SNTG1: variants seen among roughly 807,000 people sequenced by gnomAD.
The protein encoded by SNTG1 is gamma-1-syntrophin.
A neutral mutation model predicts 74.7 loss-of-function variants in SNTG1; 39 were observed. The observed-to-expected ratio is 0.52, with a 90% CI of 0.40 to 0.68. The LOEUF (loss-of-function observed/expected upper bound fraction) is 0.68. Ranked by LOEUF, SNTG1 falls within the 30% of genes least tolerant of loss-of-function variation. The probability of loss-of-function intolerance (pLI) is 0.00; values close to 1 mark genes in which losing one functional copy is unlikely to be tolerated. For synonymous variants in SNTG1, 254 were observed against 217.1 expected, an observed-to-expected ratio of 1.17 and a Z score of -1.49; for missense variants, 685 against 609.5, an observed-to-expected ratio of 1.12 and a Z score of -1.30.
intron 2 of SNTG1, among the ~76,000 whole-genome samples, chr8:50,267,143 T>C (rs1342577071): frequency 6.6e-6 from 1 of 152,200 alleles, no homozygotes; most frequent in African/African-American, 2.4e-5. Flanking sequence ...TTCTTTCAGA[T>C]GTTTACAGGT....
At chr8:50,111,773 C>A (rs1057071055) in intron 1 of SNTG1, among the ~76,000 whole-genome samples, 1 of 151,780 alleles carries the variant, frequency 6.6e-6, no homozygotes, top group African/African-American at 2.4e-5. Flanking sequence ...TTATGAGTGA[C>A]AAATGGGACA....
At chr8:50,669,808 C>T (rs867284210) in intron 15 of SNTG1, among the ~76,000 whole-genome samples, 15 of 152,130 alleles carry the variant, frequency 9.9e-5, no homozygotes, top group Middle Eastern at 3.2e-3. Flanking sequence ...TACTGGCAAA[C>T]CAAATCCAGC....
intron 2 of SNTG1, among the ~76,000 whole-genome samples, chr8:50,214,603 C>G (rs777778068): frequency 2.9e-4 from 44 of 151,962 alleles, no homozygotes; most frequent in Non-Finnish European, 5.1e-4. Context: ...ACATTTCGTG[C>G]ACTCATCTAC....
intron 1 of SNTG1, among the ~76,000 whole-genome samples, chr8:50,061,467 C>A (rs921177113): frequency 2.0e-5 from 3 of 151,862 alleles, no homozygotes; most frequent in African/African-American, 7.2e-5. Flanking sequence ...AAACCAGTTT[C>A]TTTCATTTTT....
intron 1 of SNTG1, among the ~76,000 whole-genome samples, chr8:49,925,440 G>A (rs1324711901): frequency 6.7e-6 from 1 of 149,536 alleles, no homozygotes; most frequent in Non-Finnish European, 1.5e-5. Context: ...GCCTGTGTGT[G>A]TGTATCTGTC....
chr8:50,028,624 A>C (rs749879456), intron 1 of SNTG1, among the ~76,000 whole-genome samples: 2 of 151,928 alleles, frequency 1.3e-5, no homozygotes, highest in Non-Finnish European at 2.9e-5. Flanking sequence ...TAGCATTGGG[A>C]GATATACCTA....
intron 8 of SNTG1, among the ~76,000 whole-genome samples, chr8:50,501,607 T>A (rs909641418): frequency 3.1e-5 from 4 of 128,058 alleles, no homozygotes; most frequent in Non-Finnish European, 4.6e-5. Context: ...GGTTATTTTT[T>A]TTTATTTTTT....
chr8:50,369,943 T>A (rs2092229218), intron 2 of SNTG1, among the ~76,000 whole-genome samples: 1 of 152,184 alleles, frequency 6.6e-6, no homozygotes, highest in South Asian at 2.1e-4. Context: ...TGCCAATGAC[T>A]CTATTTCTAA....
intron 15 of SNTG1, among the ~76,000 whole-genome samples, chr8:50,677,423 GA>G (rs1055175876): frequency 2.0e-5 from 3 of 151,844 alleles, no homozygotes; most frequent in Non-Finnish European, 4.4e-5. Context: ...CTTAATGTAA[GA>G]AAAAAGCTAG....
chr8:50,526,642 C>CA (rs2094222087), intron 9 of SNTG1, among the ~76,000 whole-genome samples: 1 of 50,184 alleles, frequency 2.0e-5, no homozygotes, highest in South Asian at 9.3e-4. Context: ...CACATATATA[C>CA]ACGCATATAT....
intron 2 of SNTG1, among the ~76,000 whole-genome samples, chr8:50,354,632 A>G (rs1484513837): frequency 1.3e-5 from 2 of 152,188 alleles, no homozygotes; most frequent in Admixed American, 6.5e-5. Flanking sequence ...CCACAAATGT[A>G]ATGGCTTAAA....
At chr8:50,681,651 G>C (rs2131391293) in intron 15 of SNTG1, among the ~76,000 whole-genome samples, 1 of 152,238 alleles carries the variant, frequency 6.6e-6, no homozygotes, top group Non-Finnish European at 1.5e-5. Context: ...CAACGAGAGA[G>C]GAGGACCGAA....
chr8:50,033,325 T>C (rs1266853895), intron 1 of SNTG1, among the ~76,000 whole-genome samples: 1 of 152,084 alleles, frequency 6.6e-6, no homozygotes, highest in East Asian at 1.9e-4. Context: ...GGTTTCTCCA[T>C]GTTGGTCAGG....
At chr8:50,225,589 T>G (rs1431043969) in intron 2 of SNTG1, among the ~76,000 whole-genome samples, 1 of 152,156 alleles carries the variant, frequency 6.6e-6, no homozygotes, top group African/African-American at 2.4e-5. Flanking sequence ...CTTGGGCACA[T>G]GTTCACAGGA....
intron 15 of SNTG1, among the ~76,000 whole-genome samples, chr8:50,695,724 T>A (rs1411396601): frequency 2.0e-5 from 3 of 151,864 alleles, no homozygotes; most frequent in Non-Finnish European, 2.9e-5. Context: ...TCTACAGTAT[T>A]TGACTTTCTA....
At chr8:50,010,213 A>T (rs1815643266) in intron 1 of SNTG1, among the ~76,000 whole-genome samples, 1 of 152,146 alleles carries the variant, frequency 6.6e-6, no homozygotes, top group Non-Finnish European at 1.5e-5. Flanking sequence ...ACATCTAATA[A>T]TAATTGTGTT....
chr8:50,047,043 A>T (rs1300519101), intron 1 of SNTG1, among the ~76,000 whole-genome samples: 1 of 152,082 alleles, frequency 6.6e-6, no homozygotes, highest in Non-Finnish European at 1.5e-5. Flanking sequence ...GGAGTATTAA[A>T]TTTTCTTAGA....
At chr8:50,316,054 C>T (rs1455680018) in intron 2 of SNTG1, among the ~76,000 whole-genome samples, 1 of 152,144 alleles carries the variant, frequency 6.6e-6, no homozygotes, top group Admixed American at 6.5e-5. Flanking sequence ...CTTTTTTCTA[C>T]AGACATCATG....
intron 13 of SNTG1, among the ~76,000 whole-genome samples, chr8:50,614,243 A>G (rs2094871347): frequency 6.6e-6 from 1 of 152,160 alleles, no homozygotes; most frequent in Non-Finnish European, 1.5e-5. Flanking sequence ...TGTGATTCTT[A>G]CAGTTTCAAG....
Sources: gnomAD v4.1 joint callset for allele counts (sites outside exome capture counted in the v4.1 genomes callset) on GRCh38, gnomAD v4.1.1 for gene constraint, MANE v1.5 for transcripts, NCBI Gene and HGNC (gene_info 2026-07-23, HGNC 2026-07-21) for gene names.